The following PTPN20 variants were observed in gnomAD, a reference collection of about 807,000 sequenced individuals.
PTPN20 encodes tyrosine-protein phosphatase non-receptor type 20.
A neutral mutation model predicts 35.0 loss-of-function variants in PTPN20; 9 were observed. The observed-to-expected ratio is 0.26, with a 90% CI of 0.15 to 0.45. The LOEUF (loss-of-function observed/expected upper bound fraction) is 0.45. Ranked by LOEUF, PTPN20 falls within the 20% of genes least tolerant of loss-of-function variation. The pLI is 1.00. For synonymous variants in PTPN20, 32 were observed against 100.2 expected, an observed-to-expected ratio of 0.32 and a Z score of 4.06; for missense variants, 111 against 312.5, an observed-to-expected ratio of 0.36 and a Z score of 4.86.
chr10:46,951,488 A>G (rs1707989965), intron 5 of PTPN20, among the ~76,000 whole-genome samples: 1 of 152,242 alleles, frequency 6.6e-6, no homozygotes, highest in Non-Finnish European at 1.5e-5. Context: ...TTTCATGAAC[A>G]TTCTTAATTT....
At chr10:46,976,766 G>T (rs1158924718) in intron 7 of PTPN20, among the ~76,000 whole-genome samples, 1 of 125,822 alleles carries the variant, frequency 7.9e-6, no homozygotes, top group Non-Finnish European at 1.8e-5. Flanking sequence ...ATGAATTTTA[G>T]GGTTGCCTCT....
At chr10:46,952,516 A>G (rs2047012222) in intron 5 of PTPN20, among the ~76,000 whole-genome samples, 1 of 139,570 alleles carries the variant, frequency 7.2e-6, no homozygotes, top group Non-Finnish European at 1.5e-5. Flanking sequence ...ATATCAAAAA[A>G]GAAAGAAAAA....
chr10:46,923,552 G>A (rs2036114888), intron 1 of PTPN20, among the ~76,000 whole-genome samples: 1 of 150,944 alleles, frequency 6.6e-6, no homozygotes, highest in African/African-American at 2.5e-5. Context: ...TATGGATACT[G>A]TATTCTGTTC....
intron 1 of PTPN20, among the ~76,000 whole-genome samples, chr10:46,928,413 T>C (rs1272296608): frequency 2.6e-5 from 4 of 151,582 alleles, no homozygotes; most frequent in African/African-American, 9.7e-5. Flanking sequence ...TGAGGTGTAA[T>C]TATGTATAAA....
rs782277913 is a variant in PTPN20 at position 46,999,987 on chromosome 10, C to T, written c.1197+13C>T. The T allele has an allele frequency of 3.1e-6, 5 of 1,613,528 alleles. No individual in the cohort carries two copies. The Admixed American group carries it at 8.3e-5, about 27-fold the overall frequency. ...GGTTCAAACGAAGGTAAGCTTTCAC[C>T]ACATACATAATAATAAGAATAATGA... On this transcript the variant is annotated intron_variant, in intron 10 of 10. Coordinates refer to ENST00000374339, the MANE Select transcript of PTPN20 (RefSeq NM_001042357.5).
At chr10:46,995,703 G>A in intron 9 of PTPN20, among the ~76,000 whole-genome samples, 1 of 152,268 alleles carries the variant, frequency 6.6e-6, no homozygotes, top group African/African-American at 2.4e-5. Flanking sequence ...TGCTTCCTGT[G>A]GGTTGAGGTA....
intron 9 of PTPN20, among the ~76,000 whole-genome samples, chr10:46,997,729 G>A (rs892112700): frequency 6.7e-6 from 1 of 149,402 alleles, no homozygotes; most frequent in East Asian, 2.0e-4. Flanking sequence ...AAAAAAAAAA[G>A]AAAAACAGAA....
At chr10:46,925,068 A>G (rs1468348771) in intron 1 of PTPN20, among the ~76,000 whole-genome samples, 1 of 151,018 alleles carries the variant, frequency 6.6e-6, no homozygotes, top group Non-Finnish European at 1.5e-5. Flanking sequence ...CATACTCGGT[A>G]CATGGAAGGT....
In PTPN20 at chr10:47,001,126, C is replaced by T. The variant is rs2059992511; in HGVS notation, c.*385C>T. 1 of 268,336 alleles carries T rather than the reference C, an allele frequency of 3.7e-6. No homozygotes were observed. The highest frequency in any genetic ancestry group is 9.6e-5 in the East Asian group (1 of 10,450). The allele number at this position is 268,336 out of a possible 1,614,324, so 16.6% of individuals were successfully genotyped here. A position where few individuals can be genotyped will look rare whatever the true frequency, so the allele number is the denominator to read the frequency against. On this transcript the variant is annotated 3_prime_UTR_variant, in exon 11 of 11. Coordinates refer to ENST00000374339, the MANE Select transcript of PTPN20 (RefSeq NM_001042357.5). ...GAGGATTTCCAGGACTTTGTAAGTTCTTATTCTGGGAGAACATAAGGCCAA... is the reference window on the plus strand; with the variant it reads ...GAGGATTTCCAGGACTTTGTAAGTTTTTATTCTGGGAGAACATAAGGCCAA...
chr10:46,920,530 C>T (rs1555107067), intron 1 of PTPN20, among the ~76,000 whole-genome samples: 3 of 150,008 alleles, frequency 2.0e-5, no homozygotes, highest in Non-Finnish European at 4.4e-5. Flanking sequence ...TAAAGACAAC[C>T]CTCCAGAGCA....
At chr10:46,988,784 T>C (rs1249638084) in intron 9 of PTPN20, among the ~76,000 whole-genome samples, 2 of 152,186 alleles carry the variant, frequency 1.3e-5, no homozygotes, top group Non-Finnish European at 2.9e-5. Flanking sequence ...GTTTCTTTCA[T>C]CAGTGTTTTA....
intron 1 of PTPN20, among the ~76,000 whole-genome samples, chr10:46,928,422 A>C (rs1245782938): frequency 6.6e-6 from 1 of 151,562 alleles, no homozygotes; most frequent in African/African-American, 2.4e-5. Flanking sequence ...ATTATGTATA[A>C]AGCTTTTAAC....
At chr10:46,996,803 TTTCTGG>T (rs1193743527) in intron 9 of PTPN20, among the ~76,000 whole-genome samples, 1 of 152,220 alleles carries the variant, frequency 6.6e-6, no homozygotes, top group Admixed American at 6.5e-5. Context: ...TATGGGCCTA[TTTCTGG>T]TTCCGTATTC....
intron 5 of PTPN20, among the ~76,000 whole-genome samples, chr10:46,950,617 T>C (rs2134585586): frequency 6.6e-6 from 1 of 152,158 alleles, no homozygotes; most frequent in African/African-American, 2.4e-5. Flanking sequence ...TAACATTTAA[T>C]AAAATATTTT....
At chr10:46,949,239 A>T (rs1329504094) in intron 5 of PTPN20, among the ~76,000 whole-genome samples, 1 of 152,126 alleles carries the variant, frequency 6.6e-6, no homozygotes, top group African/African-American at 2.4e-5. Flanking sequence ...AGTCTTTCTT[A>T]TGAGCACCTG....
intron 9 of PTPN20, among the ~76,000 whole-genome samples, chr10:46,991,313 G>A (rs1399404279): frequency 1.5e-5 from 2 of 131,698 alleles, no homozygotes; most frequent in Non-Finnish European, 1.7e-5. Context: ...CTTTGAGCCT[G>A]TGGGTGTTCT....
intron 1 of PTPN20, among the ~76,000 whole-genome samples, chr10:46,929,419 T>C (rs2038832181): frequency 1.3e-5 from 2 of 151,262 alleles, no homozygotes; most frequent in African/African-American, 4.9e-5. Flanking sequence ...CTTACGAACC[T>C]GACCACTGGT....
chr10:46,998,323 A>G (rs1331195834), intron 9 of PTPN20, among the ~76,000 whole-genome samples: 4 of 152,218 alleles, frequency 2.6e-5, no homozygotes, highest in Non-Finnish European at 4.4e-5. Context: ...TGTTACACCA[A>G]CAACTTGGAT....
At chr10:46,925,815 A>C (rs2132638901) in intron 1 of PTPN20, among the ~76,000 whole-genome samples, 1 of 151,906 alleles carries the variant, frequency 6.6e-6, no homozygotes, top group Admixed American at 6.5e-5. Context: ...TACCTGCAAA[A>C]GATCCATATT....
Sources: gnomAD v4.1 joint callset for allele counts (sites outside exome capture counted in the v4.1 genomes callset) on GRCh38, gnomAD v4.1.1 for gene constraint, MANE v1.5 for transcripts, NCBI Gene and HGNC (gene_info 2026-07-23, HGNC 2026-07-21) for gene names.